The following DOCK8 variants were observed in gnomAD, a reference collection of about 807,000 sequenced individuals.
DOCK8 encodes the protein dedicator of cytokinesis protein 8.
DOCK8 carries 141 observed loss-of-function variants against 245.6 expected under a neutral mutation model. The observed-to-expected ratio is 0.57, with a 90% CI of 0.50 to 0.66. The LOEUF is 0.66. Ranked by LOEUF, DOCK8 falls within the 30% of genes least tolerant of loss-of-function variation. The probability of loss-of-function intolerance (pLI) is 0.00; values close to 1 mark genes in which losing one functional copy is unlikely to be tolerated. For missense variants in DOCK8, 2,965 were observed against 2,603.4 expected (o/e 1.14, Z -3.02); for synonymous variants, 1,168 against 970.2 (o/e 1.20, Z -3.79).
chr9:345,064 G>T (rs1005815615), intron 14 of DOCK8, among the ~76,000 whole-genome samples: 1 of 152,122 alleles, frequency 6.6e-6, no homozygotes, highest in Non-Finnish European at 1.5e-5. Flanking sequence ...CAAAAAAAAG[G>T]TATTATCTTG....
intron 13 of DOCK8, among the ~76,000 whole-genome samples, chr9:339,794 G>A (rs887149714): frequency 2.0e-5 from 3 of 152,184 alleles, no homozygotes; most frequent in African/African-American, 2.4e-5. Context: ...GATGACAGGC[G>A]TGAGCCACCA....
In DOCK8 at chr9:336,731, A is replaced by T. The variant is rs1370555698; in HGVS notation, c.1422+13A>T. 1 of 1,613,744 alleles carries T rather than the reference A, an allele frequency of 6.2e-7. No homozygotes were observed. Among genetic ancestry groups the T allele is most frequent in the East Asian group, 2.2e-5 (1 of 44,886 alleles). ...CTTTTTCAAGCAGGTATCTCTTCACATTACAGTGTGTCTGGATTTTTCCCC... is the reference window on the plus strand; with the variant it reads ...CTTTTTCAAGCAGGTATCTCTTCACTTTACAGTGTGTCTGGATTTTTCCCC... On this transcript the variant is annotated intron_variant, in intron 12 of 47. Coordinates refer to ENST00000432829, the MANE Select transcript of DOCK8 (RefSeq NM_203447.4).
At chr9:272,316 A>G (rs944285514) in intron 2 of DOCK8, among the ~76,000 whole-genome samples, 1 of 152,092 alleles carries the variant, frequency 6.6e-6, no homozygotes, top group East Asian at 1.9e-4. Context: ...CAACTCACGC[A>G]ATCTCTGACT....
At chr9:215,089 G>T (rs772395472) in intron 1 of DOCK8, 60 bp downstream of exon 1, 1 of 1,522,244 alleles carries the variant, frequency 6.6e-7, no homozygotes, top group Non-Finnish European at 8.7e-7. Context: ...GGTGTGAAGC[G>T]GAGCTTCGCT....
intron 26 of DOCK8, among the ~76,000 whole-genome samples, chr9:400,808 AT>A (rs2054950267): frequency 1.4e-5 from 1 of 73,610 alleles, no homozygotes; most frequent in Admixed American, 1.5e-4. Context: ...CACCTCCACC[AT>A]CACCACCACC....
chr9:440,277 C>A (rs981731553), intron 40 of DOCK8, among the ~76,000 whole-genome samples: 1 of 152,122 alleles, frequency 6.6e-6, no homozygotes, highest in Admixed American at 6.5e-5. Context: ...ATCTTGGCCT[C>A]CCAAAGTGCT....
intron 1 of DOCK8, among the ~76,000 whole-genome samples, chr9:235,456 A>G (rs201096132): frequency 1.3e-5 from 2 of 152,110 alleles, no homozygotes; most frequent in African/African-American, 2.4e-5. Context: ...CTGCAGAGGT[A>G]ACTGCTGTCT....
At chr9:244,014 C>T (rs1256220144) in intron 1 of DOCK8, among the ~76,000 whole-genome samples, 1 of 151,908 alleles carries the variant, frequency 6.6e-6, no homozygotes, top group African/African-American at 2.4e-5. Context: ...GAAACCCCGT[C>T]TCTACTAAAA....
intron 5 of DOCK8, among the ~76,000 whole-genome samples, chr9:308,032 G>T (rs181612807): frequency 6.6e-6 from 1 of 152,168 alleles, no homozygotes; most frequent in Admixed American, 6.5e-5. Flanking sequence ...GAGGGTAGAA[G>T]TGGTAACTAG....
At chr9:304,195 C>T (rs529412322) in intron 4 of DOCK8, among the ~76,000 whole-genome samples, 136 of 152,328 alleles carry the variant, frequency 8.9e-4, no homozygotes, top group African/African-American at 3.1e-3. Context: ...ATGGTTTTCT[C>T]TATTTTTATC....
intron 1 of DOCK8, among the ~76,000 whole-genome samples, chr9:216,956 C>T (rs1248762474): frequency 6.6e-6 from 1 of 152,132 alleles, no homozygotes; most frequent in East Asian, 1.9e-4. Context: ...CAACATTGGA[C>T]ATGTTACTTA....
chr9:212,169 A>G (rs2046629400), upstream of DOCK8, among the ~76,000 whole-genome samples: 1 of 152,156 alleles, frequency 6.6e-6, no homozygotes, highest in Non-Finnish European at 1.5e-5. Flanking sequence ...TAATTTTTAT[A>G]AAGGACTTGG....
At chr9:268,609 T>C (rs1362651146) in intron 1 of DOCK8, among the ~76,000 whole-genome samples, 1 of 152,244 alleles carries the variant, frequency 6.6e-6, no homozygotes, top group Non-Finnish European at 1.5e-5. Flanking sequence ...TGGTGTATAA[T>C]AGGACCAGTT....
rs973073756 is a variant in DOCK8 at position 414,858 on chromosome 9, G to A, written c.3607G>A (p.Val1203Ile). The A allele has an allele frequency of 1.9e-6, 3 of 1,614,234 alleles. No individual in the cohort carries two copies. Residue 1203 changes from valine to isoleucine, a missense_variant, in exon 29 of 48, where the codon GTC (valine) becomes ATC (isoleucine). Around this residue, in one of 3 missense-constraint regions of DOCK8, gnomAD observed 2,825 missense variants for 2,453.5 expected, o/e 1.15. Coordinates refer to ENST00000432829, the MANE Select transcript of DOCK8 (RefSeq NM_203447.4). Reference sequence around the variant, plus strand: ...TTCTCACGACCTGGACCCACGCTGTGTCAAACCAGAGGTGAAGGTCAAAAT... The same window carrying A: ...TTCTCACGACCTGGACCCACGCTGTATCAAACCAGAGGTGAAGGTCAAAAT... ...LSSHDLDPRC[V>I]KPEVKVKIAA...
rs1277878722 is a variant in DOCK8, at chr9:452,125, G to A, written c.6068+8G>A. The A allele has an allele frequency of 6.3e-7, 1 of 1,581,652 alleles. No homozygotes were observed. The highest frequency in any genetic ancestry group is 1.1e-5 in the South Asian group (1 of 90,058). ...TAAGGAATTCATCATGAGGTAAGAA[G>A]GAAAATGGCTGGGAATTTCAGTAGA... is the stretch of plus-strand genomic sequence containing the variant. On this transcript the variant is annotated splice_region_variant and intron_variant, in intron 46 of 47. Transcript: ENST00000432829.
chr9:434,862 A>G lies in DOCK8; in HGVS notation c.4966A>G (p.Lys1656Glu). The change falls in exon 39 of 48, where the codon AAG becomes GAG. Residue 1656 changes from lysine (K) to glutamate (E), a missense_variant. Coordinates refer to ENST00000432829, the MANE Select transcript of DOCK8 (RefSeq NM_203447.4). ...CATGGCAGAGAAACACACCAAGAAG[A>G]AGTGCTACACGGAGGCTGCCATGTG... ...QNMAEKHTKK[K>E]CYTEAAMCLV... 6.2e-7 allele frequency: 1 copy of G among 1,614,076 alleles called. No individual in the cohort carries two copies. Among genetic ancestry groups the G allele is most frequent in the Non-Finnish European group, 8.5e-7 (1 of 1,180,026 alleles).
Position 464,629 on chromosome 9 carries a change from T to C in DOCK8, c.*410T>C, listed in dbSNP as rs1324410605. ...AATGGAAAAATTATCCACCAGTCGATTCAAACTGAATTTCACTCTTTATAG... is the reference window on the plus strand; with the variant it reads ...AATGGAAAAATTATCCACCAGTCGACTCAAACTGAATTTCACTCTTTATAG... On this transcript the variant is annotated 3_prime_UTR_variant, in exon 48 of 48. Coordinates refer to ENST00000432829, the MANE Select transcript of DOCK8 (RefSeq NM_203447.4). 4.0e-6 allele frequency: 1 copy of C among 248,214 alleles called. No individual in the cohort carries two copies. The highest frequency in any genetic ancestry group is 2.2e-5 in the African/African-American group (1 of 44,626). The allele number at this position is 248,214 out of a possible 1,614,324, so 15.4% of individuals were successfully genotyped here.
chr9:297,321 G>C (rs1403957946), intron 4 of DOCK8, among the ~76,000 whole-genome samples: 1 of 152,182 alleles, frequency 6.6e-6, no homozygotes, highest in Non-Finnish European at 1.5e-5. Flanking sequence ...TCTGCACCCA[G>C]TTCCTTCTGA....
intron 14 of DOCK8, among the ~76,000 whole-genome samples, chr9:351,158 T>C (rs1261923267): frequency 6.6e-6 from 1 of 152,198 alleles, no homozygotes; most frequent in African/African-American, 2.4e-5. Flanking sequence ...CCACCGGGAT[T>C]TGCCTAGTAT....
Sources: gnomAD v4.1 joint callset for allele counts (sites outside exome capture counted in the v4.1 genomes callset) on GRCh38, gnomAD v4.1.1 for gene constraint, gnomAD v4.1.1 regional missense constraint, MANE v1.5 for transcripts, NCBI Gene and HGNC (gene_info 2026-07-23, HGNC 2026-07-21) for gene names.